Variants in LRRFIP2 observed in about 807,000 individuals in gnomAD.
LRRFIP2 encodes the protein leucine-rich repeat flightless-interacting protein 2.
Under a neutral mutation model 125.9 loss-of-function variants are expected in LRRFIP2, and 109 were observed. The observed-to-expected ratio is 0.87, with a 90% CI of 0.74 to 1.01. The LOEUF is 1.01. LRRFIP2 is among the 50% of genes least tolerant of loss of function. The pLI, the probability that LRRFIP2 is intolerant of heterozygous loss-of-function variation, is 0.00. For missense variants in LRRFIP2, 850 were observed against 862.3 expected (o/e 0.99, Z 0.18); for synonymous variants, 291 against 293.1 (o/e 0.99, Z 0.07).
At chr3:37,092,849 T>A (rs895198673) in intron 17 of LRRFIP2, among the ~76,000 whole-genome samples, 1 of 152,180 alleles carries the variant, frequency 6.6e-6, no homozygotes. Flanking sequence ...CAATTTATTT[T>A]TTTTTTTGAG....
At chr3:37,067,769 T>C (rs962114525) in intron 21 of LRRFIP2, 1 of 152,232 alleles carries the variant, frequency 6.6e-6, no homozygotes, top group African/African-American at 2.4e-5. Context: ...ATTATCCCCA[T>C]TTAACAGATC....
Position 37,148,901 on chromosome 3 carries a change from G to T in LRRFIP2, c.83C>A (p.Ala28Asp). Residue 28 changes from alanine to aspartate, a missense_variant, in exon 2 of 28, where the codon GCC becomes GAC. By Grantham distance (126) the Ala-to-Asp change is moderately radical. Transcript: ENST00000336686. ...GGGATTTACCAAACATACCTCTCTG[G>T]CAATGTTACTCAAAGCTTCATCTTC... ...SAEDEALSNI[A>D]REAEARLAAK... 1 of 1,613,976 alleles carries T rather than the reference G, an allele frequency of 6.2e-7. No homozygotes were observed. The highest frequency in any genetic ancestry group is 8.5e-7 in the Non-Finnish European group (1 of 1,179,950).
At chr3:37,115,173 G>T in intron 6 of LRRFIP2, 78 bp from the exon 7 acceptor site, 1 of 1,001,658 alleles carries the variant, frequency 1.0e-6, no homozygotes, top group Non-Finnish European at 1.5e-6. Context: ...AATATTTGAG[G>T]TTATTTTAAA....
At chr3:37,135,912 T>G (rs994696226) in intron 2 of LRRFIP2, among the ~76,000 whole-genome samples, 10 of 152,184 alleles carry the variant, frequency 6.6e-5, no homozygotes, top group Middle Eastern at 3.2e-3. Context: ...TTAAACACAG[T>G]GATACCATCC....
chr3:37,076,195 T>C (rs1355525224), intron 19 of LRRFIP2, among the ~76,000 whole-genome samples: 2 of 151,922 alleles, frequency 1.3e-5, no homozygotes, highest in Non-Finnish European at 2.9e-5. Flanking sequence ...CCACAAGCAA[T>C]GAGGTAATGG....
chr3:37,066,088 C>A, intron 22 of LRRFIP2, 136 bp downstream of exon 22: 1 of 1,321,010 alleles, frequency 7.6e-7, no homozygotes, highest in South Asian at 1.2e-5. Flanking sequence ...TAAGAAATAG[C>A]TTCAACCTAC....
At chr3:37,076,695 T>C (rs1320263452) in intron 19 of LRRFIP2, among the ~76,000 whole-genome samples, 2 of 151,808 alleles carry the variant, frequency 1.3e-5, no homozygotes, top group African/African-American at 4.8e-5. Flanking sequence ...AGAGAAACCC[T>C]GTCTCTACTA....
At position 37,053,876 on chromosome 3, in the gene LRRFIP2, C is replaced by T. The variant is rs763468972; in HGVS notation, c.2141G>A (p.Arg714Lys). The change falls in exon 28 of 28, where the codon AGG becomes AAG. Residue 714 changes from arginine (R) to lysine (K), a missense_variant. Coordinates refer to ENST00000336686, the MANE Select transcript of LRRFIP2 (RefSeq NM_006309.4). ...CTACTGCTGGGCCAGAAGTGCTGTC[C>T]TATTGGCCTTCATCTTCTCCAGCCG... is the stretch of plus-strand genomic sequence containing the variant. ...AKRLEKMKAN[R>K]TALLAQQ 2 of 1,614,016 alleles carry T rather than the reference C, an allele frequency of 1.2e-6. No individual in the cohort carries two copies. The highest frequency in any genetic ancestry group is 1.7e-5 in the Admixed American group (1 of 60,030).
At position 37,127,689 on chromosome 3, in the gene LRRFIP2, G is replaced by C; in HGVS notation, c.178-9C>G. 1.9e-6 allele frequency: 3 copies of C among 1,612,424 alleles called. No individual in the cohort carries two copies. The highest frequency in any genetic ancestry group is 2.5e-6 in the Non-Finnish European group (3 of 1,178,704). On this transcript the variant is annotated splice_polypyrimidine_tract_variant and intron_variant, in intron 3 of 27. Coordinates refer to ENST00000336686, the MANE Select transcript of LRRFIP2 (RefSeq NM_006309.4). ...AAGGAATGAAGAGAGTACTAGAAATGCAAAAATTTCATAAACCAAATAGTT... is the reference window on the plus strand; with the variant it reads ...AAGGAATGAAGAGAGTACTAGAAATCCAAAAATTTCATAAACCAAATAGTT...
chr3:37,116,559 A>G (rs962652958), intron 6 of LRRFIP2, among the ~76,000 whole-genome samples: 3 of 152,228 alleles, frequency 2.0e-5, no homozygotes. Context: ...ACTTTTACAT[A>G]TATACAAATC....
At chr3:37,117,884 AGTTAT>A (rs2094865617) in intron 6 of LRRFIP2, among the ~76,000 whole-genome samples, 1 of 152,240 alleles carries the variant, frequency 6.6e-6, no homozygotes, top group Non-Finnish European at 1.5e-5. Context: ...AAAGTGTCCC[AGTTAT>A]ATCCTTTGAT....
chr3:37,127,650 C>G lies in LRRFIP2; in HGVS notation c.208G>C (p.Gly70Arg). ...CCTACCAGCCACTTCTGAATCTGTC[C>G]CCACTTCCGATCAAAGGAATGAAGA... ...YSLHSFDRKW[G>R]QIQKWLEDSE... Residue 70 changes from glycine to arginine, a missense_variant, in exon 4 of 28, where the codon GGA becomes CGA. Gly to Arg is a moderately radical substitution (Grantham distance 125, BLOSUM62 -2). Transcript: ENST00000336686. 6.2e-7 allele frequency: 1 copy of G among 1,613,916 alleles called. No homozygotes were observed. The highest frequency in any genetic ancestry group is 8.5e-7 in the Non-Finnish European group (1 of 1,179,890).
chr3:37,128,044 T>A (rs984495151), intron 3 of LRRFIP2, among the ~76,000 whole-genome samples: 6 of 152,168 alleles, frequency 3.9e-5, no homozygotes, highest in Non-Finnish European at 8.8e-5. Flanking sequence ...CTTCAGCTTA[T>A]CCACTTATTA....
intron 21 of LRRFIP2, among the ~76,000 whole-genome samples, chr3:37,071,825 G>A (rs2091241308): frequency 6.6e-6 from 1 of 152,160 alleles, no homozygotes; most frequent in Non-Finnish European, 1.5e-5. Context: ...GTAGAACAGA[G>A]AGCTCAGCCA....
At chr3:37,119,191 C>T (rs951117996) in intron 6 of LRRFIP2, among the ~76,000 whole-genome samples, 4 of 152,046 alleles carry the variant, frequency 2.6e-5, no homozygotes, top group Admixed American at 2.0e-4. Context: ...TACATTTATA[C>T]ATTGACGTTT....
intron 17 of LRRFIP2, 21 bp from the exon 18 acceptor site, chr3:37,091,559 C>A: frequency 6.4e-7 from 1 of 1,556,138 alleles, no homozygotes; most frequent in Admixed American, 1.8e-5. Context: ...TAGGAATGAA[C>A]CATTGCATAA....
chr3:37,161,172 CA>C (rs111472098), intron 1 of LRRFIP2, among the ~76,000 whole-genome samples: 1,879 of 113,986 alleles, frequency 0.016, 36 homozygotes, highest in African/African-American at 0.052. Flanking sequence ...GGTGAAACCC[CA>C]TCTACTAAAA....
chr3:37,127,656 TC>T lies in LRRFIP2; in HGVS notation c.201del (p.Lys68SerfsTer57). ...AGCCACTTCTGAATCTGTCCCCACT[TC>T]CGATCAAAGGAATGAAGAGAGTACT... Reference protein sequence around the residue: ...QKEYSLHSFDRKWGQIQKWLE... With the variant: ...QKEYSLHSFDXKWGQIQKWLE... On this transcript the variant is annotated frameshift_variant, in exon 4 of 28. Transcript: ENST00000336686. LOFTEE classifies it high-confidence loss of function. 2 of 1,613,956 alleles carry T rather than the reference TC, an allele frequency of 1.2e-6. No individual in the cohort carries two copies. The highest frequency in any genetic ancestry group is 1.7e-6 in the Non-Finnish European group (2 of 1,179,898).
intron 1 of LRRFIP2, among the ~76,000 whole-genome samples, chr3:37,150,114 T>A (rs1007326719): frequency 6.6e-6 from 1 of 152,140 alleles, no homozygotes; most frequent in African/African-American, 2.4e-5. Context: ...TGTTACCAGG[T>A]ACTATAGGAG....
Sources: allele counts gnomAD v4.1 joint callset (sites outside exome capture counted in the v4.1 genomes callset), GRCh38; gene constraint gnomAD v4.1.1; transcripts MANE v1.5; gene names NCBI Gene and HGNC (gene_info 2026-07-23, HGNC 2026-07-21).